The following MAN1A1 variants were observed in gnomAD, a reference collection of about 807,000 sequenced individuals.
MAN1A1 encodes the protein mannosidase alpha class 1A member 1.
Under a neutral mutation model 70.8 loss-of-function variants are expected in MAN1A1, and 29 were observed. That is an observed-to-expected ratio of 0.41 (90% CI 0.31 to 0.56). The LOEUF (loss-of-function observed/expected upper bound fraction) is 0.56, where lower values mean the gene tolerates loss of function less well. MAN1A1 is among the 20% of genes least tolerant of loss of function. The probability of loss-of-function intolerance (pLI) is 0.29; values close to 1 mark genes in which losing one functional copy is unlikely to be tolerated. For synonymous variants in MAN1A1, 349 were observed against 330.1 expected (o/e 1.06, Z -0.62); for missense variants, 747 against 841.3 (o/e 0.89, Z 1.39).
chr6:119,251,404 C>G (rs1775313447), intron 5 of MAN1A1, among the ~76,000 whole-genome samples: 1 of 152,156 alleles, frequency 6.6e-6, no homozygotes, highest in Non-Finnish European at 1.5e-5. Context: ...CATTCATGTT[C>G]AGTCCATCTT....
intron 7 of MAN1A1, among the ~76,000 whole-genome samples, chr6:119,203,301 G>C (rs1773767387): frequency 6.6e-6 from 1 of 152,176 alleles, no homozygotes; most frequent in Admixed American, 6.5e-5. Flanking sequence ...TATTAAAGAA[G>C]TGAGGGAGTA....
intron 5 of MAN1A1, among the ~76,000 whole-genome samples, chr6:119,281,439 A>G (rs563129915): frequency 2.0e-5 from 3 of 152,218 alleles, no homozygotes; most frequent in Non-Finnish European, 4.4e-5. Flanking sequence ...GGCCAATGAC[A>G]TGTAAGCTGA....
intron 2 of MAN1A1, 120 bp downstream of exon 2, chr6:119,348,343 G>A (rs1363105690): frequency 4.0e-6 from 4 of 994,608 alleles, no homozygotes; most frequent in Admixed American, 2.8e-5. Context: ...CCTGGTGGAA[G>A]GGGCAAACCT....
intron 6 of MAN1A1, among the ~76,000 whole-genome samples, chr6:119,236,373 T>G (rs983375021): frequency 1.3e-5 from 2 of 152,134 alleles, no homozygotes; most frequent in Non-Finnish European, 2.9e-5. Flanking sequence ...AACGTTTTCA[T>G]GCCTGCTAAC....
At chr6:119,302,196 G>T in intron 3 of MAN1A1, 93 bp from the exon 4 acceptor site, 1 of 595,136 alleles carries the variant, frequency 1.7e-6, no homozygotes, top group Non-Finnish European at 3.0e-6. Context: ...GGGTAATGCT[G>T]GATTTATTAA....
intron 4 of MAN1A1, among the ~76,000 whole-genome samples, chr6:119,292,837 T>C (rs868631005): frequency 6.6e-6 from 1 of 152,084 alleles, no homozygotes; most frequent in Non-Finnish European, 1.5e-5. Flanking sequence ...TCACTCTGAA[T>C]GAATTTTACA....
intron 2 of MAN1A1, among the ~76,000 whole-genome samples, chr6:119,314,021 T>G (rs530779637): frequency 1.3e-5 from 2 of 152,142 alleles, no homozygotes; most frequent in Admixed American, 6.5e-5. Flanking sequence ...GCCCAGCAGT[T>G]TGCACTGCAA....
chr6:119,336,413 T>C (rs149363665), intron 2 of MAN1A1, among the ~76,000 whole-genome samples: 34 of 151,970 alleles, frequency 2.2e-4, no homozygotes, highest in African/African-American at 7.5e-4. Context: ...CTGATGCATG[T>C]TGAAGTCTGA....
chr6:119,196,803 T>C (rs530794904), intron 8 of MAN1A1, among the ~76,000 whole-genome samples: 2 of 152,182 alleles, frequency 1.3e-5, no homozygotes, highest in Non-Finnish European at 2.9e-5. Flanking sequence ...ACACTACACA[T>C]AGCTAGCTAG....
intron 6 of MAN1A1, among the ~76,000 whole-genome samples, chr6:119,246,905 C>G (rs1441573461): frequency 6.6e-6 from 1 of 152,034 alleles, no homozygotes; most frequent in Non-Finnish European, 1.5e-5. Flanking sequence ...AAAGGAAGAA[C>G]AGATCCTGAG....
At chr6:119,273,288 GA>G (rs1281042632) in intron 5 of MAN1A1, among the ~76,000 whole-genome samples, 1 of 152,262 alleles carries the variant, frequency 6.6e-6, no homozygotes, top group East Asian at 1.9e-4. Context: ...ATACCAACCG[GA>G]AGCAAATATT....
At chr6:119,236,478 C>A (rs1774847138) in intron 6 of MAN1A1, among the ~76,000 whole-genome samples, 2 of 152,122 alleles carry the variant, frequency 1.3e-5, no homozygotes, top group Admixed American at 1.3e-4. Context: ...AAGGCTGAGG[C>A]AGGTGGATCA....
chr6:119,189,672 T>A lies in MAN1A1; in HGVS notation c.1538A>T (p.Asn513Ile). 1.2e-6 allele frequency: 2 copies of A among 1,613,922 alleles called. No homozygotes were observed. The highest frequency in any genetic ancestry group is 2.7e-5 in the African/African-American group (2 of 75,016). Residue 513 changes from asparagine (N) to isoleucine (I), a missense_variant, in exon 10 of 13, where the codon AAT becomes ATT. By Grantham distance (149) the Asn-to-Ile change is moderately radical. This residue lies in a region of MAN1A1 where 419 missense variants were observed against 548.2 expected (regional missense o/e 0.76). Coordinates refer to ENST00000368468, the MANE Select transcript of MAN1A1 (RefSeq NM_005907.4). ...EIARTCHESY[N>I]RTFMKLGPEA... ...GAATAACATGTACTCACATGTTCGA[T>A]TATATGATTCATGACAAGTACGGGC...
At chr6:119,346,096 A>G (rs77847173) in intron 2 of MAN1A1, among the ~76,000 whole-genome samples, 15 of 152,324 alleles carry the variant, frequency 9.8e-5, no homozygotes, top group African/African-American at 3.6e-4. Context: ...ACAGAGCCAG[A>G]CTCTGTCTCC....
rs1034793458 is a variant in MAN1A1, at chr6:119,233,356, C to T, written c.992+14904G>A. On this transcript the variant is annotated intron_variant, in intron 6 of 12. Transcript: ENST00000368468. ...AAAATTAATACAAATAAGAGTGTGC[C>T]GCAAATTTAGTCTTGTAATATTTAC... is the stretch of plus-strand genomic sequence containing the variant. Among the ~76,000 whole-genome samples the T allele has an allele frequency of 3.9e-5, 6 of 152,134 alleles. No homozygotes were observed. In the East Asian group the frequency reaches 1.2e-3, roughly 29 times the overall value.
chr6:119,239,838 G>A (rs952269573), intron 6 of MAN1A1, among the ~76,000 whole-genome samples: 3 of 152,202 alleles, frequency 2.0e-5, no homozygotes, highest in East Asian at 1.9e-4. Flanking sequence ...ATGAATTTAC[G>A]CATTCTGACT....
chr6:119,237,474 T>C (rs1352185280), intron 6 of MAN1A1, among the ~76,000 whole-genome samples: 1 of 151,990 alleles, frequency 6.6e-6, no homozygotes, highest in Non-Finnish European at 1.5e-5. Context: ...TAAGAGGGAG[T>C]CACTGCTGCC....
At chr6:119,247,291 C>T (rs1198666509) in intron 6 of MAN1A1, among the ~76,000 whole-genome samples, 2 of 152,144 alleles carry the variant, frequency 1.3e-5, no homozygotes, top group Non-Finnish European at 2.9e-5. Context: ...CATATTCTAG[C>T]TCTACCATTT....
At chr6:119,185,179 C>G (rs184083088) in intron 11 of MAN1A1, among the ~76,000 whole-genome samples, 14 of 152,256 alleles carry the variant, frequency 9.2e-5, no homozygotes, top group African/African-American at 3.4e-4. Context: ...TGAGCCACCA[C>G]GCCTGGCTTT....
Sources: allele counts gnomAD v4.1 joint callset (sites outside exome capture counted in the v4.1 genomes callset), GRCh38; gene constraint gnomAD v4.1.1; regional missense constraint gnomAD v4.1.1; transcripts MANE v1.5; gene names NCBI Gene and HGNC (gene_info 2026-07-23, HGNC 2026-07-21).